The following TPRG1 variants were observed in gnomAD, a reference collection of about 807,000 sequenced individuals.
TPRG1 encodes the protein tumor protein p63-regulated gene 1 protein.
Under a neutral mutation model 29.3 loss-of-function variants are expected in TPRG1, and 29 were observed. The ratio of observed to expected loss-of-function variants is 0.99; its 90% CI spans 0.74 to 1.35. The LOEUF is 1.35. Ranked by LOEUF, TPRG1 falls within the 40% of genes most tolerant of loss-of-function variation. The pLI is 0.00. For missense variants in TPRG1, 327 were observed against 335.0 expected (o/e 0.98, Z 0.19); for synonymous variants, 130 against 116.8 (o/e 1.11, Z -0.73).
intron 1 of TPRG1, among the ~76,000 whole-genome samples, chr3:188,998,495 G>A (rs1711896915): frequency 6.6e-6 from 1 of 152,152 alleles, no homozygotes; most frequent in Non-Finnish European, 1.5e-5. Flanking sequence ...TGTGGGTCAT[G>A]GTAAAGAATC....
intron 4 of TPRG1, among the ~76,000 whole-genome samples, chr3:189,086,848 A>G (rs531552254): frequency 1.2e-4 from 19 of 152,254 alleles, no homozygotes; most frequent in African/African-American, 4.3e-4. Context: ...CATCCTTTTT[A>G]TGGCTGCATA....
At chr3:189,221,323 C>G (rs1215265144) in intron 3 of TPRG1, among the ~76,000 whole-genome samples, 2 of 152,210 alleles carry the variant, frequency 1.3e-5, no homozygotes, top group Non-Finnish European at 2.9e-5. Context: ...AGTAGCACAG[C>G]TCTAAAGTTG....
chr3:189,133,129 G>A (rs1015599496), intron 3 of TPRG1, among the ~76,000 whole-genome samples: 2 of 152,186 alleles, frequency 1.3e-5, no homozygotes, highest in African/African-American at 4.8e-5. Flanking sequence ...ATTTAGCAAT[G>A]AGTCTAATTT....
At chr3:189,256,886 G>A (rs1019434996) in intron 4 of TPRG1, among the ~76,000 whole-genome samples, 4 of 152,024 alleles carry the variant, frequency 2.6e-5, no homozygotes, top group Non-Finnish European at 4.4e-5. Flanking sequence ...TTTATTTTGA[G>A]CCTATGTGTG....
chr3:189,137,940 G>A (rs911287791), intron 3 of TPRG1, among the ~76,000 whole-genome samples: 4 of 152,142 alleles, frequency 2.6e-5, no homozygotes, highest in South Asian at 4.2e-4. Context: ...TAGCCTTAGG[G>A]TACCTAATTC....
intron 3 of TPRG1, among the ~76,000 whole-genome samples, chr3:189,226,212 C>T (rs970795845): frequency 1.3e-5 from 2 of 152,190 alleles, no homozygotes; most frequent in Non-Finnish European, 2.9e-5. Context: ...TCTTTTTAAG[C>T]ATCTACATTA....
intron 1 of TPRG1, chr3:189,190,998 A>G: frequency 1.0e-6 from 1 of 985,316 alleles, no homozygotes; most frequent in Non-Finnish European, 1.2e-6. Context: ...TAGGTCTTTT[A>G]ATTTTCTCAG....
At chr3:189,012,277 T>C (rs1712642031) in intron 3 of TPRG1, among the ~76,000 whole-genome samples, 1 of 152,126 alleles carries the variant, frequency 6.6e-6, no homozygotes, top group South Asian at 2.1e-4. Flanking sequence ...GTTTGTCATA[T>C]ATGACTTTTA....
intron 4 of TPRG1, among the ~76,000 whole-genome samples, chr3:189,074,500 G>T (rs1578291706): frequency 1.3e-5 from 2 of 152,046 alleles, no homozygotes; most frequent in Non-Finnish European, 2.9e-5. Flanking sequence ...CACCGCGCCC[G>T]GCCCAGAATT....
intron 2 of TPRG1, among the ~76,000 whole-genome samples, chr3:189,002,161 C>A (rs1025221334): frequency 4.6e-5 from 7 of 152,170 alleles, no homozygotes; most frequent in African/African-American, 1.7e-4. Flanking sequence ...AATTGAAGAG[C>A]CTTAAATATG....
intron 4 of TPRG1, among the ~76,000 whole-genome samples, chr3:189,033,536 A>G (rs1714063858): frequency 6.6e-6 from 1 of 151,254 alleles, no homozygotes; most frequent in Admixed American, 6.6e-5. Flanking sequence ...CCCTCCTCAA[A>G]GTGCTGGGAT....
At chr3:189,311,450 C>T (rs1722475338) in intron 5 of TPRG1, among the ~76,000 whole-genome samples, 1 of 152,118 alleles carries the variant, frequency 6.6e-6, no homozygotes, top group Non-Finnish European at 1.5e-5. Flanking sequence ...ATTAAACATA[C>T]CTATTCGTGC....
chr3:189,287,973 A>G (rs528745094), intron 4 of TPRG1, among the ~76,000 whole-genome samples: 12 of 151,924 alleles, frequency 7.9e-5, no homozygotes, highest in East Asian at 3.9e-4. Flanking sequence ...TAATTTTTAA[A>G]TTAAAAAAAT....
At chr3:189,152,165 AT>A (rs2108602940) in intron 5 of TPRG1, among the ~76,000 whole-genome samples, 1 of 150,928 alleles carries the variant, frequency 6.6e-6, no homozygotes, top group South Asian at 2.1e-4. Context: ...TTCCCTTAAG[AT>A]CTGTTTTTTT....
chr3:189,064,119 G>T (rs780413240), intron 4 of TPRG1, among the ~76,000 whole-genome samples: 1 of 152,102 alleles, frequency 6.6e-6, no homozygotes, highest in Non-Finnish European at 1.5e-5. Flanking sequence ...AAGCCTATAA[G>T]TTCACAATTT....
chr3:189,075,917 C>G (rs908905128), intron 4 of TPRG1, among the ~76,000 whole-genome samples: 1 of 152,220 alleles, frequency 6.6e-6, no homozygotes, highest in Non-Finnish European at 1.5e-5. Flanking sequence ...CCTGCCACTT[C>G]TGGTTTCTCT....
At chr3:189,309,230 C>A (rs891272520) in intron 4 of TPRG1, among the ~76,000 whole-genome samples, 1 of 151,896 alleles carries the variant, frequency 6.6e-6, no homozygotes, top group African/African-American at 2.4e-5. Context: ...CAGGTATTAA[C>A]CAGTTGGGGA....
intron 5 of TPRG1, among the ~76,000 whole-genome samples, chr3:189,158,195 C>A (rs2108620946): frequency 6.6e-6 from 1 of 152,352 alleles, no homozygotes; most frequent in Middle Eastern, 3.4e-3. Flanking sequence ...GGCTTTCGAA[C>A]TGCTCTTACC....
chr3:189,028,794 A>G (rs887616176), intron 4 of TPRG1, among the ~76,000 whole-genome samples: 1 of 152,212 alleles, frequency 6.6e-6, no homozygotes, highest in African/African-American at 2.4e-5. Context: ...ACAGTAAAAC[A>G]AATGGTAGTA....
Sources: allele counts gnomAD v4.1 joint callset (sites outside exome capture counted in the v4.1 genomes callset), GRCh38; gene constraint gnomAD v4.1.1; transcripts MANE v1.5; gene names NCBI Gene and HGNC (gene_info 2026-07-23, HGNC 2026-07-21).